Variants in ZNF503 observed in about 807,000 individuals in gnomAD.
The protein encoded by ZNF503 is zinc finger protein 503.
ZNF503 carries 15 observed loss-of-function variants against 34.4 expected under a neutral mutation model. The ratio of observed to expected loss-of-function variants is 0.44; its 90% CI spans 0.29 to 0.67. The LOEUF is 0.67. Among genes scored for constraint, ZNF503 ranks in the 30% least tolerant of loss-of-function variants. The pLI is 0.13. For missense variants in ZNF503, 1,007 were observed against 926.8 expected, an observed-to-expected ratio of 1.09 and a Z score of -1.12; for synonymous variants, 580 against 456.8, an observed-to-expected ratio of 1.27 and a Z score of -3.44.
chr10:75,316,504 A>T, the ZNF503 span, among the ~76,000 whole-genome samples: 3 of 152,090 alleles, frequency 2.0e-5, no homozygotes, highest in Non-Finnish European at 4.4e-5. Context: ...CTACAGGCAC[A>T]TGCCACTGTG....
downstream of ZNF503, among the ~76,000 whole-genome samples, chr10:75,395,214 T>C (rs1485860084): frequency 9.2e-5 from 14 of 151,920 alleles, no homozygotes. The surrounding 1 kb of genome is among the most constrained non-coding windows in gnomAD (Gnocchi z 4.4). Flanking sequence ...GCTCCCCAGG[T>C]TGGGAAGGGA....
chr10:75,309,032 T>C, the ZNF503 span, among the ~76,000 whole-genome samples: 5 of 152,058 alleles, frequency 3.3e-5, no homozygotes, highest in South Asian at 2.1e-4. Context: ...TTGGTAGAGA[T>C]GCTGTTTCAC....
chr10:75,286,015 G>A, the ZNF503 span, among the ~76,000 whole-genome samples: 1 of 152,182 alleles, frequency 6.6e-6, no homozygotes, highest in South Asian at 2.1e-4. Flanking sequence ...GGGCTCAGTG[G>A]CTCACACCTG....
the ZNF503 span, among the ~76,000 whole-genome samples, chr10:75,370,192 G>A: frequency 6.0e-4 from 92 of 152,106 alleles, no homozygotes; most frequent in South Asian, 1.5e-3. Context: ...AGGTATTTAC[G>A]TTTATAATAA....
At position 75,398,226 on chromosome 10, in the gene ZNF503, A is replaced by G. The variant is rs974698089; in HGVS notation, c.*523T>C. 2.0e-5 allele frequency: 3 copies of G among 152,860 alleles called. No homozygotes were observed. The highest frequency in any genetic ancestry group is 7.2e-5 in the African/African-American group (3 of 41,444). The allele number at this position is 152,860 out of a possible 1,614,324, so 9.5% of individuals were successfully genotyped here. ...AATAACGTACAATACAATCATAGCA[A>G]TTTTAAAGTAACATTAAAGAGAAGA... On this transcript the variant is annotated 3_prime_UTR_variant, in exon 2 of 2. Transcript: ENST00000372524.
chr10:75,287,418 G>T, the ZNF503 span, among the ~76,000 whole-genome samples: 1 of 152,070 alleles, frequency 6.6e-6, no homozygotes, highest in Non-Finnish European at 1.5e-5. Flanking sequence ...TACCAGCCTG[G>T]ATGCATGCCT....
the ZNF503 span, among the ~76,000 whole-genome samples, chr10:75,340,609 G>GT: frequency 5.4e-5 from 8 of 149,408 alleles, no homozygotes; most frequent in Admixed American, 2.0e-4. Flanking sequence ...TTTTTTTTTT[G>GT]TTTTTTGAGA....
chr10:75,351,125 G>T, the ZNF503 span, among the ~76,000 whole-genome samples: 1 of 121,838 alleles, frequency 8.2e-6, no homozygotes, highest in African/African-American at 2.7e-5. Context: ...GAACAACCTA[G>T]TATCCATCAG....
the ZNF503 span, among the ~76,000 whole-genome samples, chr10:75,376,334 T>G: frequency 6.6e-6 from 1 of 152,098 alleles, no homozygotes; most frequent in Admixed American, 6.6e-5. Context: ...ATTAGTCCAT[T>G]CTCATGCTGC....
At chr10:75,352,690 T>C in the ZNF503 span, among the ~76,000 whole-genome samples, 3 of 152,204 alleles carry the variant, frequency 2.0e-5, no homozygotes, top group Non-Finnish European at 2.9e-5. Flanking sequence ...TGCTTGCAGA[T>C]TGGGCACATT....
At chr10:75,353,016 G>T in the ZNF503 span, among the ~76,000 whole-genome samples, 3,317 of 152,308 alleles carry the variant, frequency 0.022, 77 homozygotes, top group African/African-American at 0.06. Context: ...TGTCCCGAGG[G>T]GGGGCACCTC....
At chr10:75,339,430 G>A in the ZNF503 span, among the ~76,000 whole-genome samples, 4 of 152,162 alleles carry the variant, frequency 2.6e-5, no homozygotes, top group Admixed American at 2.6e-4. Context: ...GGGGAGCTTC[G>A]GAAAGAAGAT....
chr10:75,339,536 G>A, the ZNF503 span, among the ~76,000 whole-genome samples: 1 of 152,200 alleles, frequency 6.6e-6, no homozygotes, highest in Non-Finnish European at 1.5e-5. Context: ...ACCAGTGGTA[G>A]ACATTCAAGG....
At chr10:75,365,743 A>G in the ZNF503 span, among the ~76,000 whole-genome samples, 3 of 152,352 alleles carry the variant, frequency 2.0e-5, no homozygotes, top group Non-Finnish European at 1.5e-5. Context: ...TATGAAAATG[A>G]AATGAGTTAA....
chr10:75,371,281 C>T, the ZNF503 span, among the ~76,000 whole-genome samples: 1 of 152,190 alleles, frequency 6.6e-6, no homozygotes, highest in Non-Finnish European at 1.5e-5. Context: ...GTCTGGAAGG[C>T]TGCAGGGCTT....
At chr10:75,354,737 A>AC in the ZNF503 span, among the ~76,000 whole-genome samples, 11 of 152,236 alleles carry the variant, frequency 7.2e-5, no homozygotes, top group African/African-American at 2.2e-4. Context: ...AAACAAACAA[A>AC]AAAAAACTTG....
chr10:75,305,977 T>C, the ZNF503 span, among the ~76,000 whole-genome samples: 1 of 152,208 alleles, frequency 6.6e-6, no homozygotes, highest in Non-Finnish European at 1.5e-5. Context: ...GTTTTAGCTG[T>C]TGTGAATAAT....
chr10:75,369,917 A>C, the ZNF503 span, among the ~76,000 whole-genome samples: 1 of 152,090 alleles, frequency 6.6e-6, no homozygotes, highest in Non-Finnish European at 1.5e-5. Flanking sequence ...AAATATAAAA[A>C]TTAGCCTTGC....
At chr10:75,391,670 T>A in the ZNF503 span, among the ~76,000 whole-genome samples, 6 of 152,204 alleles carry the variant, frequency 3.9e-5, no homozygotes, top group Non-Finnish European at 7.4e-5. Context: ...CTACCCTCCC[T>A]TCTTTGGAAG....
Sources: allele counts gnomAD v4.1 joint callset (sites outside exome capture counted in the v4.1 genomes callset), GRCh38; gene constraint gnomAD v4.1.1; non-coding constraint Gnocchi (gnomAD v3.1); transcripts MANE v1.5; gene names NCBI Gene and HGNC (gene_info 2026-07-23, HGNC 2026-07-21).